The following SPRED1 variants were observed in gnomAD, a reference collection of about 807,000 sequenced individuals.
The protein encoded by SPRED1 is sprouty related EVH1 domain containing 1.
In SPRED1, 18 loss-of-function variants were observed where a neutral mutation model predicts 52.3. The ratio of observed to expected loss-of-function variants is 0.34; its 90% CI spans 0.24 to 0.51. The LOEUF (loss-of-function observed/expected upper bound fraction) is 0.51. Ranked by LOEUF, SPRED1 falls within the 20% of genes least tolerant of loss-of-function variation. The pLI, the probability that SPRED1 is intolerant of heterozygous loss-of-function variation, is 0.97. For missense variants in SPRED1, 485 were observed against 551.0 expected, an observed-to-expected ratio of 0.88 and a Z score of 1.20; for synonymous variants, 155 against 179.7, an observed-to-expected ratio of 0.86 and a Z score of 1.10.
intron 5 of SPRED1, among the ~76,000 whole-genome samples, chr15:38,347,274 G>A (rs1373669903): frequency 1.3e-5 from 2 of 151,920 alleles, no homozygotes; most frequent in African/African-American, 4.8e-5. Flanking sequence ...GTTTATTGGA[G>A]CCTTTCCCCG....
At chr15:38,257,710 T>A (rs554067527) in intron 1 of SPRED1, among the ~76,000 whole-genome samples, 2 of 152,336 alleles carry the variant, frequency 1.3e-5, no homozygotes, top group African/African-American at 4.8e-5. Flanking sequence ...TATCTCCAGC[T>A]GTTTATCAGT....
chr15:38,267,180 A>T (rs1894324927), intron 1 of SPRED1, among the ~76,000 whole-genome samples: 1 of 152,224 alleles, frequency 6.6e-6, no homozygotes, highest in South Asian at 2.1e-4. Flanking sequence ...GATTAAGTAT[A>T]TCACCTGATA....
At chr15:38,265,890 A>G (rs1894298818) in intron 1 of SPRED1, among the ~76,000 whole-genome samples, 1 of 152,184 alleles carries the variant, frequency 6.6e-6, no homozygotes, top group Non-Finnish European at 1.5e-5. Context: ...TTAAAGGTTT[A>G]GAATTTAATT....
chr15:38,336,988 C>T (rs1020402324), intron 4 of SPRED1, among the ~76,000 whole-genome samples: 4 of 152,128 alleles, frequency 2.6e-5, no homozygotes, highest in African/African-American at 7.2e-5. Context: ...ATACTTTGTG[C>T]CTAAAGCTTT....
At chr15:38,298,894 C>A (rs1338537924) in intron 1 of SPRED1, among the ~76,000 whole-genome samples, 1 of 152,146 alleles carries the variant, frequency 6.6e-6, no homozygotes, top group Admixed American at 6.5e-5. Context: ...CTAAACTAAG[C>A]ATGTTTGTTT....
intron 4 of SPRED1, among the ~76,000 whole-genome samples, chr15:38,331,827 A>G (rs1371085373): frequency 2.0e-5 from 3 of 152,196 alleles, no homozygotes; most frequent in South Asian, 2.1e-4. Flanking sequence ...GCTTGGTAAT[A>G]TAATTGAATA....
intron 2 of SPRED1, among the ~76,000 whole-genome samples, chr15:38,320,776 G>A (rs978776728): frequency 1.3e-5 from 2 of 152,076 alleles, no homozygotes; most frequent in African/African-American, 4.8e-5. Flanking sequence ...AAGGTGTGTA[G>A]TTCTAGTCTT....
intron 2 of SPRED1, among the ~76,000 whole-genome samples, chr15:38,321,726 TG>T (rs1895605475): frequency 6.6e-6 from 1 of 152,144 alleles, no homozygotes; most frequent in African/African-American, 2.4e-5. Context: ...CCTGAGTAGC[TG>T]GGATTACAGG....
chr15:38,301,559 T>A (rs570215341), intron 2 of SPRED1, among the ~76,000 whole-genome samples: 3 of 152,230 alleles, frequency 2.0e-5, no homozygotes, highest in African/African-American at 7.2e-5. Flanking sequence ...CTAGGTAGGT[T>A]ATGGGGACTT....
intron 1 of SPRED1, among the ~76,000 whole-genome samples, chr15:38,294,862 A>C (rs1735635746): frequency 1.3e-5 from 2 of 152,230 alleles, no homozygotes; most frequent in African/African-American, 4.8e-5. Flanking sequence ...TCTCCCCTGA[A>C]GAAAATATAT....
intron 2 of SPRED1, among the ~76,000 whole-genome samples, chr15:38,310,805 T>C (rs960975604): frequency 5.9e-5 from 9 of 152,238 alleles, no homozygotes; most frequent in Non-Finnish European, 1.0e-4. Flanking sequence ...TTAATTTTCA[T>C]TTGTTGTTCT....
chr15:38,299,869 C>G (rs1183190404), intron 2 of SPRED1, among the ~76,000 whole-genome samples: 3 of 152,092 alleles, frequency 2.0e-5, no homozygotes, highest in African/African-American at 7.2e-5. Flanking sequence ...GATTGGCAAA[C>G]TAATCCACAG....
At chr15:38,316,455 C>A (rs1895481736) in intron 2 of SPRED1, among the ~76,000 whole-genome samples, 1 of 151,966 alleles carries the variant, frequency 6.6e-6, no homozygotes, top group Non-Finnish European at 1.5e-5. Flanking sequence ...ATTTACCTTG[C>A]TAGTAAAGAA....
At chr15:38,322,550 C>T in intron 3 of SPRED1, 141 bp downstream of exon 3, 1 of 742,804 alleles carries the variant, frequency 1.3e-6, no homozygotes, top group Non-Finnish European at 2.2e-6. Flanking sequence ...TGAAACCTCA[C>T]AATAGATGAA....
chr15:38,285,796 T>C (rs1404538421), intron 1 of SPRED1, among the ~76,000 whole-genome samples: 1 of 152,246 alleles, frequency 6.6e-6, no homozygotes, highest in Non-Finnish European at 1.5e-5. Flanking sequence ...TTTTTCAAGT[T>C]ACCTTTTCCC....
intron 1 of SPRED1, among the ~76,000 whole-genome samples, chr15:38,292,751 G>A (rs952625220): frequency 2.0e-5 from 3 of 152,040 alleles, no homozygotes; most frequent in African/African-American, 7.2e-5. Context: ...TTTGGATGGG[G>A]GACACAGCCA....
chr15:38,291,286 A>G (rs1289393730), intron 1 of SPRED1, among the ~76,000 whole-genome samples: 1 of 152,176 alleles, frequency 6.6e-6, no homozygotes, highest in Non-Finnish European at 1.5e-5. Context: ...ATCTCTGCCC[A>G]TGTGGTTTTG....
At chr15:38,340,080 C>T (rs1159946283) in intron 5 of SPRED1, among the ~76,000 whole-genome samples, 185 bp downstream of exon 5, 1 of 152,118 alleles carries the variant, frequency 6.6e-6, no homozygotes, top group Admixed American at 6.5e-5. Context: ...AAACAATAAA[C>T]ATATACACCA....
intron 2 of SPRED1, among the ~76,000 whole-genome samples, chr15:38,312,505 G>T (rs1189135846): frequency 6.6e-6 from 1 of 151,984 alleles, no homozygotes; most frequent in East Asian, 1.9e-4. Flanking sequence ...CCCCTTTTGT[G>T]GGTAGAATTC....
Sources: gnomAD v4.1 joint callset for allele counts (sites outside exome capture counted in the v4.1 genomes callset) on GRCh38, gnomAD v4.1.1 for gene constraint, MANE v1.5 for transcripts, NCBI Gene and HGNC (gene_info 2026-07-23, HGNC 2026-07-21) for gene names.